The following ZNG1C variants were observed in gnomAD, a reference collection of about 807,000 sequenced individuals.
ZNG1C encodes zinc-regulated GTPase metalloprotein activator 1C.
chr9:68,269,677 C>T, the ZNG1C span: 1 of 856,990 alleles, frequency 1.2e-6, no homozygotes, highest in Non-Finnish European at 1.3e-6. Context: ...TCCACTCAGT[C>T]TCTACTTGAG....
chr9:68,298,742 G>T, the ZNG1C span: 1 of 848,360 alleles, frequency 1.2e-6, no homozygotes, highest in Middle Eastern at 3.8e-4. Context: ...AAAGGGGATT[G>T]TTCAAAAAAA....
chr9:68,276,611 T>C, the ZNG1C span, among the ~76,000 whole-genome samples: 18 of 146,672 alleles, frequency 1.2e-4, no homozygotes, highest in African/African-American at 4.3e-4. Context: ...GATCAGATAG[T>C]TGTAGATATG....
the ZNG1C span, among the ~76,000 whole-genome samples, chr9:68,256,038 T>C: frequency 6.6e-6 from 1 of 152,258 alleles, no homozygotes; most frequent in African/African-American, 2.4e-5. Context: ...GCATGAGTAA[T>C]CACTGTAAAC....
chr9:68,281,356 C>T, the ZNG1C span, among the ~76,000 whole-genome samples: 5 of 150,606 alleles, frequency 3.3e-5, no homozygotes, highest in African/African-American at 9.8e-5. Context: ...CATCTTGGCT[C>T]CTCTCTCCTC....
At chr9:68,298,960 G>C in the ZNG1C span, 2 of 1,272,732 alleles carry the variant, frequency 1.6e-6, no homozygotes, top group Non-Finnish European at 2.2e-6. Context: ...TCTCCTTTGA[G>C]CAGGGATTGG....
the ZNG1C span, among the ~76,000 whole-genome samples, chr9:68,280,419 T>TA: frequency 6.6e-6 from 1 of 151,252 alleles, no homozygotes; most frequent in Admixed American, 6.6e-5. Context: ...CTCTGCTTTT[T>TA]AGAGTTTCCC....
the ZNG1C span, among the ~76,000 whole-genome samples, chr9:68,297,228 C>T: frequency 4.7e-5 from 7 of 149,488 alleles, 3 homozygotes; most frequent in African/African-American, 1.7e-4. Context: ...AAGTACCTGG[C>T]CCTGTGTAGT....
chr9:68,269,208 G>A, the ZNG1C span: 1 of 411,620 alleles, frequency 2.4e-6, no homozygotes. Context: ...TGATAACACT[G>A]TGTAAGTGTT....
chr9:68,272,440 T>C, the ZNG1C span: 5 of 87,044 alleles, frequency 5.7e-5, no homozygotes, highest in African/African-American at 2.0e-4. Context: ...TTTTTTCTTT[T>C]TTTTTTTTTT....
chr9:68,274,418 G>A, the ZNG1C span: 1 of 185,028 alleles, frequency 5.4e-6, no homozygotes, highest in Non-Finnish European at 1.1e-5. Context: ...GGGTCCTAGA[G>A]TAACTTAATA....
the ZNG1C span, chr9:68,285,400 C>A: frequency 4.1e-5 from 6 of 146,302 alleles, no homozygotes; most frequent in Non-Finnish European, 1.5e-5. Context: ...ATTTGTTATG[C>A]CATGTTGATC....
At chr9:68,275,433 TC>T in the ZNG1C span, among the ~76,000 whole-genome samples, 1 of 149,848 alleles carries the variant, frequency 6.7e-6, no homozygotes, top group African/African-American at 2.5e-5. Context: ...CACTAACTCG[TC>T]ATCTAGCATT....
chr9:68,277,736 A>AG, the ZNG1C span, among the ~76,000 whole-genome samples: 1 of 40,184 alleles, frequency 2.5e-5, no homozygotes, highest in Non-Finnish European at 4.6e-5. Context: ...TTTTGCATCA[A>AG]TGTTCATCAA....
chr9:68,292,903 TGAAA>T, the ZNG1C span, among the ~76,000 whole-genome samples: 1 of 63,814 alleles, frequency 1.6e-5, no homozygotes, highest in Non-Finnish European at 3.3e-5. Flanking sequence ...AAAGTTAAGA[TGAAA>T]GAAAGAGCTG....
At chr9:68,247,489 G>A in the ZNG1C span, 7 of 1,596,284 alleles carry the variant, frequency 4.4e-6, no homozygotes, top group Non-Finnish European at 6.0e-6. Context: ...TGAATAAAGT[G>A]AAAGAATATA....
chr9:68,249,210 G>C, the ZNG1C span, among the ~76,000 whole-genome samples: 3 of 151,578 alleles, frequency 2.0e-5, no homozygotes, highest in Non-Finnish European at 4.4e-5. Context: ...CTACTTCTAA[G>C]TACAGTTGTC....
the ZNG1C span, among the ~76,000 whole-genome samples, chr9:68,291,651 A>G: frequency 8.0e-6 from 1 of 125,304 alleles, no homozygotes; most frequent in Admixed American, 8.5e-5. Context: ...TAGTTTTAAA[A>G]GTCTCACATT....
the ZNG1C span, among the ~76,000 whole-genome samples, chr9:68,276,038 A>G: frequency 6.6e-6 from 1 of 151,980 alleles, no homozygotes; most frequent in Non-Finnish European, 1.5e-5. Flanking sequence ...TTTGATTTGC[A>G]TTTCTCTGAT....
the ZNG1C span, among the ~76,000 whole-genome samples, chr9:68,256,015 C>G: frequency 6.6e-6 from 1 of 152,294 alleles, no homozygotes; most frequent in South Asian, 2.1e-4. Flanking sequence ...TCTTGTGGCC[C>G]TTGCTATATC....
Sources: allele counts gnomAD v4.1 joint callset (sites outside exome capture counted in the v4.1 genomes callset), GRCh38; gene constraint gnomAD v4.1.1; transcripts MANE v1.5; gene names NCBI Gene and HGNC (gene_info 2026-07-23, HGNC 2026-07-21).